Variants in ZNF423 observed in about 807,000 individuals in gnomAD.
ZNF423 encodes the protein zinc finger protein 423.
Under a neutral mutation model 95.8 loss-of-function variants are expected in ZNF423, and 12 were observed. The ratio of observed to expected loss-of-function variants is 0.13; its 90% confidence interval spans 0.08 to 0.20. The LOEUF (loss-of-function observed/expected upper bound fraction) is 0.20. Ranked by LOEUF, ZNF423 falls within the 10% of genes least tolerant of loss-of-function variation. The pLI is 1.00. For synonymous variants in ZNF423, 749 were observed against 711.9 expected, an observed-to-expected ratio of 1.05 and a Z score of -0.83; for missense variants, 1,316 against 1,737.1, an observed-to-expected ratio of 0.76 and a Z score of 4.31.
At chr16:49,542,177 G>A (rs886353231) in intron 5 of ZNF423, among the ~76,000 whole-genome samples, 1 of 152,122 alleles carries the variant, frequency 6.6e-6, no homozygotes, top group East Asian at 1.9e-4. Flanking sequence ...TCACTCAACA[G>A]CTCTTGCTGG....
At chr16:49,677,277 A>AAGGGAAGGGAAGG (rs1253972000) in intron 3 of ZNF423, among the ~76,000 whole-genome samples, 6 of 77,540 alleles carry the variant, frequency 7.7e-5, no homozygotes, top group Non-Finnish European at 1.3e-4. Flanking sequence ...AGAAGAGAAG[A>AAGGGAAGGGAAGG]GAAGAGAAGA....
At chr16:49,774,436 G>A (rs1002782046) in intron 2 of ZNF423, among the ~76,000 whole-genome samples, 4 of 152,094 alleles carry the variant, frequency 2.6e-5, no homozygotes, top group Non-Finnish European at 5.9e-5. Context: ...GAGGGAGAGG[G>A]GGCTCCAGCC....
intron 1 of ZNF423, among the ~76,000 whole-genome samples, chr16:49,805,778 T>A (rs1210428123): frequency 6.6e-6 from 1 of 152,306 alleles, no homozygotes; most frequent in East Asian, 1.9e-4. Context: ...ATCTATAAAA[T>A]GGGGATTTAA....
chr16:49,756,212 C>T (rs1160102916), intron 2 of ZNF423, among the ~76,000 whole-genome samples: 2 of 152,104 alleles, frequency 1.3e-5, no homozygotes, highest in African/African-American at 4.8e-5. Flanking sequence ...CTGGGGGCAG[C>T]CTGCATCAGC....
At chr16:49,519,324 C>T (rs1005819386) in intron 7 of ZNF423, among the ~76,000 whole-genome samples, 5 of 152,218 alleles carry the variant, frequency 3.3e-5, no homozygotes, top group South Asian at 2.1e-4. Flanking sequence ...CTGGGTCTAA[C>T]GGTAAATGAA....
At chr16:49,657,973 T>C (rs987678647) in intron 3 of ZNF423, among the ~76,000 whole-genome samples, 7 of 152,320 alleles carry the variant, frequency 4.6e-5, no homozygotes, top group South Asian at 4.1e-4. Context: ...CCTATACTAT[T>C]ACTCAACCTT....
intron 4 of ZNF423, among the ~76,000 whole-genome samples, chr16:49,632,647 G>T (rs539971415): frequency 9.9e-4 from 150 of 152,228 alleles, no homozygotes; most frequent in Admixed American, 3.5e-3. Context: ...GCATCCTTGG[G>T]TATATGGCAT....
intron 2 of ZNF423, chr16:49,764,531 C>T: frequency 6.6e-6 from 1 of 152,044 alleles, no homozygotes; most frequent in Non-Finnish European, 1.5e-5. Flanking sequence ...CGGGACCCAA[C>T]ACAGAATCGT....
At chr16:49,792,892 G>C (rs1472148745) in intron 1 of ZNF423, among the ~76,000 whole-genome samples, 3 of 151,876 alleles carry the variant, frequency 2.0e-5, no homozygotes, top group African/African-American at 4.8e-5. Flanking sequence ...CTCCTGCATA[G>C]CTAAGACTAT....
At chr16:49,730,527 C>T in intron 3 of ZNF423, 1 of 557,072 alleles carries the variant, frequency 1.8e-6, no homozygotes, top group Non-Finnish European at 3.2e-6. Context: ...CAGAGCACAG[C>T]TTGCGGGGAG....
intron 3 of ZNF423, among the ~76,000 whole-genome samples, chr16:49,682,327 A>G (rs1478329604): frequency 1.3e-5 from 2 of 152,258 alleles, no homozygotes; most frequent in East Asian, 3.9e-4. Context: ...TGACCATGCT[A>G]GAGCTTGCTG....
At chr16:49,540,977 C>A (rs2151737174) in intron 5 of ZNF423, among the ~76,000 whole-genome samples, 1 of 152,324 alleles carries the variant, frequency 6.6e-6, no homozygotes, top group Admixed American at 6.5e-5. Context: ...AACACCTCCC[C>A]AACTTCCCAT....
chr16:49,506,860 G>A (rs1967667700), intron 7 of ZNF423, among the ~76,000 whole-genome samples: 1 of 152,016 alleles, frequency 6.6e-6, no homozygotes, highest in Non-Finnish European at 1.5e-5. Flanking sequence ...TGGGTGGATG[G>A]ATTGGTGAGT....
intron 5 of ZNF423, among the ~76,000 whole-genome samples, chr16:49,611,311 T>TATCA (rs1366211620): frequency 6.6e-6 from 1 of 152,022 alleles, no homozygotes; most frequent in Non-Finnish European, 1.5e-5. Flanking sequence ...TGTTTTTTCC[T>TATCA]ATCACAATGG....
intron 5 of ZNF423, among the ~76,000 whole-genome samples, chr16:49,567,690 G>A (rs1045309169): frequency 6.6e-6 from 1 of 152,202 alleles, no homozygotes; most frequent in African/African-American, 2.4e-5. Flanking sequence ...CAGGTGCAAG[G>A]AAATTAGGTG....
chr16:49,601,846 GA>G (rs1291371188), intron 5 of ZNF423, among the ~76,000 whole-genome samples: 2 of 152,238 alleles, frequency 1.3e-5, no homozygotes. Context: ...CAGGGCGGAG[GA>G]AACAGATGGG....
At chr16:49,686,376 TG>T (rs2031564415) in intron 3 of ZNF423, among the ~76,000 whole-genome samples, 1 of 152,136 alleles carries the variant, frequency 6.6e-6, no homozygotes, top group Non-Finnish European at 1.5e-5. Context: ...TCTTCCATGC[TG>T]GGGCAGGAGG....
intron 3 of ZNF423, among the ~76,000 whole-genome samples, chr16:49,727,558 C>G (rs1471481620): frequency 1.3e-5 from 2 of 152,136 alleles, no homozygotes; most frequent in African/African-American, 4.8e-5. Flanking sequence ...TCACGGTCAC[C>G]GCCCACAAAT....
intron 7 of ZNF423, among the ~76,000 whole-genome samples, chr16:49,514,769 G>A (rs752414003): frequency 6.6e-6 from 1 of 152,252 alleles, no homozygotes; most frequent in Non-Finnish European, 1.5e-5. Flanking sequence ...CGCGGGCCCG[G>A]CTCACGGAAT....
Sources: allele counts gnomAD v4.1 joint callset (sites outside exome capture counted in the v4.1 genomes callset), GRCh38; gene constraint gnomAD v4.1.1; transcripts MANE v1.5; gene names NCBI Gene and HGNC (gene_info 2026-07-23, HGNC 2026-07-21).